The following RBFOX3 variants were observed in gnomAD, a reference collection of about 807,000 sequenced individuals.
The protein encoded by RBFOX3 is RNA binding protein fox-1 homolog 3.
RBFOX3 carries 17 observed loss-of-function variants against 48.7 expected under a neutral mutation model. The observed-to-expected ratio is 0.35, with a 90% confidence interval of 0.24 to 0.52. RBFOX3 has a LOEUF of 0.52. RBFOX3 is among the 20% of genes least tolerant of loss of function. RBFOX3 has a pLI of 0.94. For missense variants in RBFOX3, 382 were observed against 497.5 expected, an observed-to-expected ratio of 0.77 and a Z score of 2.21; for synonymous variants, 212 against 209.5, an observed-to-expected ratio of 1.01 and a Z score of -0.10.
the RBFOX3 span, among the ~76,000 whole-genome samples, chr17:79,638,032 T>C: frequency 1.1e-5 from 1 of 95,138 alleles, no homozygotes; most frequent in Non-Finnish European, 2.4e-5. Context: ...ATTTTAAAAA[T>C]ATCTCAAGAC....
chr17:79,091,923 G>A (rs1177984578), intron 14 of RBFOX3: 3 of 975,952 alleles, frequency 3.1e-6, no homozygotes, highest in African/African-American at 1.8e-5. Context: ...CACGCGACAC[G>A]CTTGTGACTA....
At chr17:79,531,626 G>A (rs1272054783) in intron 1 of RBFOX3, among the ~76,000 whole-genome samples, 6 of 152,244 alleles carry the variant, frequency 3.9e-5, no homozygotes, top group East Asian at 1.9e-4. Context: ...CTCTAAGGCC[G>A]GTCCCAACAC....
chr17:79,311,434 C>CAA lies in RBFOX3; in HGVS notation c.-174-3612_-174-3611dup, dbSNP rs35265527. ...GGTAAGAAGAGCGAGACTCCATCTCCAAAAAAAAAAAAAAAAAAAACAGAC... is the reference window on the plus strand; with the variant it reads ...GGTAAGAAGAGCGAGACTCCATCTCCAAAAAAAAAAAAAAAAAAAAAACAGAC... On this transcript the variant is annotated intron_variant, in intron 2 of 14. Coordinates refer to ENST00000693108, the MANE Select transcript of RBFOX3 (RefSeq NM_001350451.2). The surrounding 1 kb of genome is among the most constrained non-coding windows in gnomAD (Gnocchi z 4.2). Among the ~76,000 whole-genome samples the CAA allele has an allele frequency of 4.9e-5, 5 of 102,550 alleles. No individual in the cohort carries two copies. Among genetic ancestry groups the CAA allele is most frequent in the African/African-American group, 6.7e-5 (2 of 29,874 alleles). 67.3% of individuals were successfully genotyped at this position (102,550 alleles called of 152,430 possible). A position where few individuals can be genotyped will look rare whatever the true frequency, so the allele number is the denominator to read the frequency against.
chr17:79,504,267 A>G (rs2082774955), intron 1 of RBFOX3, among the ~76,000 whole-genome samples: 1 of 152,224 alleles, frequency 6.6e-6, no homozygotes, highest in African/African-American at 2.4e-5. Context: ...GCAGATATTT[A>G]AAACTCCTAG....
At chr17:79,435,666 G>A (rs1394731962) in intron 2 of RBFOX3, among the ~76,000 whole-genome samples, 1 of 152,222 alleles carries the variant, frequency 6.6e-6, no homozygotes, top group African/African-American at 2.4e-5. Context: ...GGGCCCCTGG[G>A]CCCTCCAGCC....
chr17:79,179,902 C>T (rs776433146), intron 4 of RBFOX3, among the ~76,000 whole-genome samples: 6 of 152,326 alleles, frequency 3.9e-5, no homozygotes, highest in Admixed American at 6.5e-5. Flanking sequence ...TGGGGGACCA[C>T]GGCACGGGGC....
Position 79,096,598 on chromosome 17 carries a change from T to C in RBFOX3, c.936+55A>G, listed in dbSNP as rs540465761. 6.2e-6 allele frequency: 9 copies of C among 1,463,168 alleles called. No individual in the cohort carries two copies. The Admixed American group carries it at 1.8e-4, about 29-fold the overall frequency. 90.6% of individuals were successfully genotyped at this position (1,463,168 alleles called of 1,614,324 possible). A position where few individuals can be genotyped will look rare whatever the true frequency, so the allele number is the denominator to read the frequency against. ...TGAGAGAGGAGACGCCGACTTCTCA[T>C]TGAGACCCACAGAACGCCTGATCCC... On this transcript the variant is annotated intron_variant, in intron 12 of 14. Coordinates refer to ENST00000693108, the MANE Select transcript of RBFOX3 (RefSeq NM_001350451.2).
intron 2 of RBFOX3, among the ~76,000 whole-genome samples, chr17:79,417,673 T>C (rs1005472986): frequency 6.6e-6 from 1 of 152,220 alleles, no homozygotes; most frequent in Non-Finnish European, 1.5e-5. Context: ...TGGCGGTTCC[T>C]TAAACAATCA....
intron 3 of RBFOX3, among the ~76,000 whole-genome samples, chr17:79,280,309 C>T (rs1217659601): frequency 6.6e-6 from 1 of 152,120 alleles, no homozygotes; most frequent in Non-Finnish European, 1.5e-5. Flanking sequence ...ACATACACCC[C>T]CCAACACACC....
intron 1 of RBFOX3, among the ~76,000 whole-genome samples, chr17:79,563,018 A>G (rs933557861): frequency 2.0e-5 from 3 of 152,136 alleles, no homozygotes; most frequent in Non-Finnish European, 2.9e-5. Context: ...GCCAGCCAGC[A>G]CTCGCCCACT....
chr17:79,096,522 C>T (rs1385184908), intron 12 of RBFOX3, 131 bp downstream of exon 12: 7 of 778,706 alleles, frequency 9.0e-6, no homozygotes, highest in South Asian at 1.7e-5. Context: ...GTGGCACCCT[C>T]GCCCTCCTGG....
intron 1 of RBFOX3, among the ~76,000 whole-genome samples, chr17:79,588,838 T>C (rs1431227887): frequency 4.0e-5 from 5 of 126,402 alleles, no homozygotes; most frequent in East Asian, 2.4e-4. Context: ...TATAGCGAGA[T>C]CCCATCCTGA....
At chr17:79,519,023 G>A (rs984545545) in intron 1 of RBFOX3, among the ~76,000 whole-genome samples, 1 of 152,162 alleles carries the variant, frequency 6.6e-6, no homozygotes. Context: ...TGCTGTACCC[G>A]GGAAGCACCA....
chr17:79,218,596 G>A (rs562578240), intron 4 of RBFOX3, among the ~76,000 whole-genome samples: 1 of 152,252 alleles, frequency 6.6e-6, no homozygotes, highest in Admixed American at 6.5e-5. Context: ...AACCAGAGAC[G>A]GAAGCCCCCT....
intron 5 of RBFOX3, among the ~76,000 whole-genome samples, chr17:79,112,127 G>C (rs2031890507): frequency 6.6e-6 from 1 of 152,186 alleles, no homozygotes; most frequent in Admixed American, 6.5e-5. Flanking sequence ...TGCTCAGAGG[G>C]GAGGAGCCTT....
intron 2 of RBFOX3, among the ~76,000 whole-genome samples, chr17:79,356,030 T>C (rs942151845): frequency 1.3e-5 from 2 of 152,204 alleles, no homozygotes; most frequent in African/African-American, 4.8e-5. Flanking sequence ...ACTGCGTCTG[T>C]ATAAACTCTT....
chr17:79,101,713 C>T, intron 8 of RBFOX3, 69 bp from the exon 9 acceptor site: 3 of 1,368,058 alleles, frequency 2.2e-6, no homozygotes, highest in Non-Finnish European at 3.1e-6. Context: ...CTGGCCACTC[C>T]TCCCCGCCCT....
intron 2 of RBFOX3, among the ~76,000 whole-genome samples, chr17:79,459,314 G>A (rs1002809309): frequency 6.6e-6 from 1 of 152,180 alleles, no homozygotes; most frequent in Non-Finnish European, 1.5e-5. Flanking sequence ...TGTGGGAGGC[G>A]CTGGGGAGGC....
chr17:79,292,980 C>A (rs1216644515), intron 3 of RBFOX3, among the ~76,000 whole-genome samples: 2 of 152,110 alleles, frequency 1.3e-5, no homozygotes, highest in Non-Finnish European at 2.9e-5. Context: ...CCTTCCATCC[C>A]CCTTGAAAAG....
Sources: gnomAD v4.1 joint callset for allele counts (sites outside exome capture counted in the v4.1 genomes callset) on GRCh38, gnomAD v4.1.1 for gene constraint, Gnocchi (gnomAD v3.1) non-coding constraint, MANE v1.5 for transcripts, NCBI Gene and HGNC (gene_info 2026-07-23, HGNC 2026-07-21) for gene names.